SASH1: variants seen among roughly 807,000 people sequenced by gnomAD.
The protein encoded by SASH1 is SAM and SH3 domain containing 1.
In SASH1, 44 loss-of-function variants were observed where a neutral mutation model predicts 125.2. The observed-to-expected ratio is 0.35, with a 90% CI of 0.28 to 0.45. The LOEUF is 0.45. Among genes scored for constraint, SASH1 ranks in the 20% least tolerant of loss-of-function variants. SASH1 has a pLI of 1.00. For missense variants in SASH1, 1,426 were observed against 1,614.5 expected (o/e 0.88, Z 2.00); for synonymous variants, 639 against 649.1 (o/e 0.98, Z 0.24).
upstream of SASH1, among the ~76,000 whole-genome samples, chr6:148,338,689 A>C (rs2114619636): frequency 6.6e-6 from 1 of 152,208 alleles, no homozygotes; most frequent in South Asian, 2.1e-4. Flanking sequence ...TTTCTTTATA[A>C]GGAAAGGACA....
At chr6:148,506,769 T>G (rs1477898986) in intron 8 of SASH1, among the ~76,000 whole-genome samples, 1 of 152,082 alleles carries the variant, frequency 6.6e-6, no homozygotes, top group Non-Finnish European at 1.5e-5. Context: ...ACGAAGGAAT[T>G]TGGTGGAAAA....
chr6:148,334,253 T>C (rs1781082838), intron 1 of SASH1, among the ~76,000 whole-genome samples: 1 of 140,548 alleles, frequency 7.1e-6, no homozygotes, highest in African/African-American at 2.6e-5. Flanking sequence ...TGAAACCCTG[T>C]CTCTACTAAA....
At chr6:148,318,817 C>T (rs913097140) in intron 1 of SASH1, among the ~76,000 whole-genome samples, 4 of 152,056 alleles carry the variant, frequency 2.6e-5, no homozygotes, top group Non-Finnish European at 5.9e-5. Flanking sequence ...TCCCAAAGTG[C>T]TGGGATTACA....
chr6:148,387,650 T>C lies in SASH1; in HGVS notation c.157-2484T>C, dbSNP rs1423409683. ...TTTCTTTCTTTCTTTCTTTCTTTCT[T>C]TCTTTCTTTCTTTCTTTCTTTCTTT... is the stretch of plus-strand genomic sequence containing the variant. On this transcript the variant is annotated intron_variant, in intron 1 of 19. Transcript: ENST00000367467. Among the ~76,000 whole-genome samples the C allele has an allele frequency of 9.4e-4, 63 of 66,778 alleles. 4 individuals are homozygous for C. The highest frequency in any genetic ancestry group is 7.2e-3 in the Middle Eastern group (1 of 138). The allele number at this position is 66,778 out of a possible 152,430, so 43.8% of individuals were successfully genotyped here. A position where few individuals can be genotyped will look rare whatever the true frequency, so the allele number is the denominator to read the frequency against.
chr6:148,527,036 C>T (rs1436803572), intron 11 of SASH1, among the ~76,000 whole-genome samples: 1 of 151,964 alleles, frequency 6.6e-6, no homozygotes, highest in Non-Finnish European at 1.5e-5. Context: ...CCACGCCCAG[C>T]TAATTTTTTG....
intron 1 of SASH1, among the ~76,000 whole-genome samples, chr6:148,371,105 T>C (rs1032511010): frequency 1.2e-4 from 19 of 152,184 alleles, no homozygotes; most frequent in African/African-American, 4.3e-4. Flanking sequence ...CAATCTCCCT[T>C]CCCTCCTCCA....
chr6:148,447,342 G>A (rs1776842353), intron 4 of SASH1, among the ~76,000 whole-genome samples: 1 of 152,188 alleles, frequency 6.6e-6, no homozygotes, highest in Non-Finnish European at 1.5e-5. Context: ...AAAGAGGATC[G>A]AATATAGTTT....
At chr6:148,313,047 C>CA (rs755213825) in intron 1 of SASH1, among the ~76,000 whole-genome samples, 1 of 152,058 alleles carries the variant, frequency 6.6e-6, no homozygotes, top group Non-Finnish European at 1.5e-5. Flanking sequence ...CCCTTCCCAA[C>CA]AAAAAAGAAG....
intron 1 of SASH1, among the ~76,000 whole-genome samples, chr6:148,375,263 AT>A (rs1782848148): frequency 1.3e-5 from 2 of 152,262 alleles, no homozygotes; most frequent in South Asian, 4.1e-4. Flanking sequence ...AAGTGCTGGA[AT>A]TACAGGCATG....
chr6:148,308,926 A>G (rs1173356084), intron 1 of SASH1, among the ~76,000 whole-genome samples: 1 of 151,304 alleles, frequency 6.6e-6, no homozygotes, highest in Non-Finnish European at 1.5e-5. Context: ...TCTACTAAGA[A>G]TACAAAAATT....
chr6:148,290,978 T>G (rs1388337323), intron 1 of SASH1, among the ~76,000 whole-genome samples: 7 of 150,210 alleles, frequency 4.7e-5, no homozygotes, highest in Non-Finnish European at 1.0e-4. Context: ...TCTTAATGCC[T>G]GCATTCTTCC....
At chr6:148,498,844 A>G (rs1355648805) in intron 8 of SASH1, among the ~76,000 whole-genome samples, 1 of 152,156 alleles carries the variant, frequency 6.6e-6, no homozygotes, top group Admixed American at 6.5e-5. Flanking sequence ...TTACATGTCA[A>G]TTCCTTGTTA....
At chr6:148,270,312 G>A (rs1275921040), upstream of SASH1, among the ~76,000 whole-genome samples, 1 of 152,144 alleles carries the variant, frequency 6.6e-6, no homozygotes, top group East Asian at 1.9e-4. Flanking sequence ...CACCTTACCT[G>A]CCAGCTATCA....
intron 6 of SASH1, among the ~76,000 whole-genome samples, chr6:148,473,257 AT>A (rs536285350): frequency 3.3e-5 from 5 of 151,646 alleles, no homozygotes; most frequent in Non-Finnish European, 5.9e-5. Flanking sequence ...TTATTTATTT[AT>A]TTTTTTTGTC....
chr6:148,467,922 G>T, intron 4 of SASH1, among the ~76,000 whole-genome samples: 1 of 151,584 alleles, frequency 6.6e-6, no homozygotes, highest in Non-Finnish European at 1.5e-5. Context: ...GGACTACAGA[G>T]CAAGACTGTC....
At chr6:148,518,959 T>G (rs1306435549) in intron 9 of SASH1, among the ~76,000 whole-genome samples, 3 of 152,184 alleles carry the variant, frequency 2.0e-5, no homozygotes, top group African/African-American at 7.2e-5. Context: ...GTTTCCTAAC[T>G]TTTTGCATTT....
intron 4 of SASH1, among the ~76,000 whole-genome samples, chr6:148,449,945 C>A (rs1171307024): frequency 6.6e-6 from 1 of 152,120 alleles, no homozygotes; most frequent in Non-Finnish European, 1.5e-5. Context: ...AGGGAGAACT[C>A]ACTCACTACC....
intron 4 of SASH1, among the ~76,000 whole-genome samples, chr6:148,449,078 C>CTTTTTCTTTTTTTTTTTTCTTTTTT: frequency 3.4e-5 from 3 of 88,704 alleles, no homozygotes; most frequent in African/African-American, 1.3e-4. Flanking sequence ...CATTTCATTT[C>CTTTTTCTTTTTTTTTTTTCTTTTTT]TTTTTTTTTT....
At chr6:148,455,026 C>T (rs1777270641) in intron 4 of SASH1, among the ~76,000 whole-genome samples, 1 of 152,152 alleles carries the variant, frequency 6.6e-6, no homozygotes, top group Non-Finnish European at 1.5e-5. Flanking sequence ...TTCTGAACAC[C>T]TCACTTGCAG....
Sources: gnomAD v4.1 joint callset for allele counts (sites outside exome capture counted in the v4.1 genomes callset) on GRCh38, gnomAD v4.1.1 for gene constraint, MANE v1.5 for transcripts, NCBI Gene and HGNC (gene_info 2026-07-23, HGNC 2026-07-21) for gene names.